MAGI1: variants seen among roughly 807,000 people sequenced by gnomAD.
MAGI1 encodes membrane-associated guanylate kinase, WW and PDZ domain-containing protein 1.
Under a neutral mutation model 139.9 loss-of-function variants are expected in MAGI1, and 58 were observed. The observed-to-expected ratio is 0.41, with a 90% CI of 0.34 to 0.52. The LOEUF is 0.52. Among genes scored for constraint, MAGI1 ranks in the 20% least tolerant of loss-of-function variants. The probability of loss-of-function intolerance (pLI) is 0.12; values close to 1 mark genes in which losing one functional copy is unlikely to be tolerated. For missense variants in MAGI1, 1,874 were observed against 1,901.6 expected, an observed-to-expected ratio of 0.99 and a Z score of 0.27; for synonymous variants, 812 against 737.9, an observed-to-expected ratio of 1.10 and a Z score of -1.63.
chr3:65,472,624 G>T (rs1321517880), intron 4 of MAGI1, among the ~76,000 whole-genome samples: 1 of 152,190 alleles, frequency 6.6e-6, no homozygotes, highest in African/African-American at 2.4e-5. Context: ...GACAGGTGTT[G>T]CCCTGCCGCC....
chr3:65,782,143 T>G (rs951838701), intron 1 of MAGI1, among the ~76,000 whole-genome samples: 1 of 152,100 alleles, frequency 6.6e-6, no homozygotes, highest in African/African-American at 2.4e-5. Flanking sequence ...CCCAAAGATA[T>G]CCCCATCCTG....
At chr3:66,031,079 G>A (rs1469107487) in intron 1 of MAGI1, among the ~76,000 whole-genome samples, 1 of 152,192 alleles carries the variant, frequency 6.6e-6, no homozygotes, top group East Asian at 1.9e-4. Flanking sequence ...GTCTAGCAAT[G>A]CACCAGTGTG....
chr3:65,733,205 C>T (rs576682535), intron 1 of MAGI1, among the ~76,000 whole-genome samples: 98 of 152,084 alleles, frequency 6.4e-4, no homozygotes, highest in Middle Eastern at 3.4e-3. Flanking sequence ...ATCACAGGCA[C>T]CTGCCACCAC....
chr3:66,004,884 T>C (rs1333204993), intron 1 of MAGI1, among the ~76,000 whole-genome samples: 2 of 152,158 alleles, frequency 1.3e-5, no homozygotes, highest in African/African-American at 4.8e-5. Flanking sequence ...CAAGGTGCCT[T>C]TGAAGCCATG....
chr3:65,838,637 G>A (rs542722495), intron 1 of MAGI1, among the ~76,000 whole-genome samples: 2 of 152,316 alleles, frequency 1.3e-5, no homozygotes, highest in East Asian at 3.9e-4. Context: ...CCATTCAGCT[G>A]TTGTAGCACA....
intron 1 of MAGI1, among the ~76,000 whole-genome samples, chr3:66,025,854 T>A (rs1273836880): frequency 6.6e-6 from 1 of 152,188 alleles, no homozygotes; most frequent in Non-Finnish European, 1.5e-5. Context: ...GAGAAAAAAT[T>A]TAAATTTCAC....
At chr3:65,929,005 G>A (rs559804298) in intron 1 of MAGI1, among the ~76,000 whole-genome samples, 90 of 151,932 alleles carry the variant, frequency 5.9e-4, no homozygotes, top group Non-Finnish European at 1.1e-3. Flanking sequence ...AAAAAAGCAG[G>A]CCCAGAACCA....
intron 1 of MAGI1, among the ~76,000 whole-genome samples, chr3:65,736,263 G>A (rs10049040): frequency 0.16 from 24,042 of 152,092 alleles, 2,124 homozygotes; most frequent in Non-Finnish European, 0.2. Flanking sequence ...ATCTATGTGG[G>A]ATCTTCCAGT....
intron 2 of MAGI1, chr3:65,597,582 C>T (rs933744018): frequency 9.2e-6 from 4 of 435,540 alleles, no homozygotes; most frequent in Non-Finnish European, 1.9e-5. Flanking sequence ...ATCTGGCCCT[C>T]CCAAGCTGGC....
At position 65,956,132 on chromosome 3, in the gene MAGI1, CTT is replaced by C. The variant is rs560070864; in HGVS notation, c.313+81862_313+81863del. 3.2e-4 allele frequency among the ~76,000 whole-genome samples: 48 copies of C among 152,228 alleles called. No individual in the cohort carries two copies. In the Middle Eastern group the frequency reaches 0.01, roughly 32 times the overall value. On this transcript the variant is annotated intron_variant, in intron 1 of 22. Transcript: ENST00000402939. The stretch of plus-strand genomic sequence containing the variant: ...ACGTCTAATGCTCTGGGTGAAATAA[CTT>C]TGTTTCCCCTAAAAATAGATAAACT...
chr3:65,751,932 G>A (rs758130115), intron 1 of MAGI1, among the ~76,000 whole-genome samples: 4 of 151,878 alleles, frequency 2.6e-5, no homozygotes, highest in South Asian at 2.1e-4. Flanking sequence ...TAAAGATATC[G>A]TCTGATTTTT....
chr3:65,423,342 T>C (rs558663021), intron 12 of MAGI1, among the ~76,000 whole-genome samples: 13 of 152,060 alleles, frequency 8.5e-5, no homozygotes, highest in African/African-American at 2.7e-4. Context: ...ATTATGATGG[T>C]TTTGTATCAT....
At chr3:65,404,115 T>C (rs552860267) in intron 12 of MAGI1, among the ~76,000 whole-genome samples, 1 of 152,322 alleles carries the variant, frequency 6.6e-6, no homozygotes, top group Non-Finnish European at 1.5e-5. Context: ...ATATGTTCAA[T>C]AGTGGCAAGG....
chr3:65,825,279 C>G (rs1252555595), intron 1 of MAGI1, among the ~76,000 whole-genome samples: 3 of 152,330 alleles, frequency 2.0e-5, no homozygotes, highest in Admixed American at 2.0e-4. Flanking sequence ...TCTTTAGAAT[C>G]TATCTCCCAT....
intron 1 of MAGI1, among the ~76,000 whole-genome samples, chr3:65,869,647 A>G (rs1018823568): frequency 5.2e-4 from 79 of 151,794 alleles, no homozygotes; most frequent in East Asian, 3.9e-4. Context: ...TGATCCGCCC[A>G]CCTCGGCCTC....
At chr3:65,648,301 G>GTGTT (rs1210478218) in intron 1 of MAGI1, among the ~76,000 whole-genome samples, 89 of 149,566 alleles carry the variant, frequency 6.0e-4, no homozygotes, top group African/African-American at 1.9e-3. Context: ...GTGTGTGTGT[G>GTGTT]TGTGTGTGTG....
intron 1 of MAGI1, among the ~76,000 whole-genome samples, chr3:65,790,188 T>A (rs1332193004): frequency 6.6e-6 from 1 of 152,102 alleles, no homozygotes; most frequent in African/African-American, 2.4e-5. Flanking sequence ...AACCCAACGT[T>A]TAAAAGCCAA....
At chr3:65,838,186 C>T (rs1294101218) in intron 1 of MAGI1, among the ~76,000 whole-genome samples, 1 of 152,172 alleles carries the variant, frequency 6.6e-6, no homozygotes, top group Non-Finnish European at 1.5e-5. Context: ...GTGGCGCACG[C>T]CTGCCATCCC....
At chr3:66,016,153 A>G (rs2067625664) in intron 1 of MAGI1, among the ~76,000 whole-genome samples, 1 of 152,228 alleles carries the variant, frequency 6.6e-6, no homozygotes, top group African/African-American at 2.4e-5. Flanking sequence ...TCAAGTGATC[A>G]GATTCAAAGG....
Sources: gnomAD v4.1 joint callset for allele counts (sites outside exome capture counted in the v4.1 genomes callset) on GRCh38, gnomAD v4.1.1 for gene constraint, MANE v1.5 for transcripts, NCBI Gene and HGNC (gene_info 2026-07-23, HGNC 2026-07-21) for gene names.